Variants in JAKMIP3 observed in about 807,000 individuals in gnomAD.
JAKMIP3 encodes janus kinase and microtubule-interacting protein 3.
In JAKMIP3, 58 loss-of-function variants were observed where a neutral mutation model predicts 118.5. The ratio of observed to expected loss-of-function variants is 0.49; its 90% CI spans 0.40 to 0.61. The LOEUF (loss-of-function observed/expected upper bound fraction) is 0.61. Among genes scored for constraint, JAKMIP3 ranks in the 20% least tolerant of loss-of-function variants. The pLI, the probability that JAKMIP3 is intolerant of heterozygous loss-of-function variation, is 0.00. For missense variants in JAKMIP3, 950 were observed against 1,109.0 expected, an observed-to-expected ratio of 0.86 and a Z score of 2.04; for synonymous variants, 486 against 451.2, an observed-to-expected ratio of 1.08 and a Z score of -0.98.
intron 2 of JAKMIP3, among the ~76,000 whole-genome samples, chr10:132,109,065 T>TACAC (rs1197139440): frequency 2.5e-3 from 4 of 1,612 alleles, no homozygotes; most frequent in South Asian, 0.045. Context: ...CATGCACATA[T>TACAC]ACACACATAC....
intron 1 of JAKMIP3, among the ~76,000 whole-genome samples, chr10:132,093,486 A>G (rs1053003843): frequency 6.6e-6 from 1 of 152,270 alleles, no homozygotes; most frequent in Middle Eastern, 3.4e-3. Flanking sequence ...TAGATCTCAG[A>G]CTGCTGTGCT....
At chr10:132,137,392 G>A (rs1428138553) in intron 8 of JAKMIP3, 103 bp downstream of exon 8, 1 of 1,413,276 alleles carries the variant, frequency 7.1e-7, no homozygotes, top group African/African-American at 1.4e-5. Flanking sequence ...GACAGAAGCG[G>A]CCGCGGCAGC....
At chr10:132,083,419 T>C (rs1382314443) in intron 1 of JAKMIP3, among the ~76,000 whole-genome samples, 1 of 152,324 alleles carries the variant, frequency 6.6e-6, no homozygotes, top group South Asian at 2.1e-4. Flanking sequence ...CATTGTAGAT[T>C]CTTAATATTA....
upstream of JAKMIP3, among the ~76,000 whole-genome samples, chr10:132,063,300 T>A (rs937084754): frequency 6.6e-6 from 1 of 152,146 alleles, no homozygotes; most frequent in African/African-American, 2.4e-5. Flanking sequence ...GCCTGCTGTT[T>A]AAGCCTCTTT....
chr10:132,178,987 C>T (rs1189769471), intron 23 of JAKMIP3, among the ~76,000 whole-genome samples: 1 of 152,234 alleles, frequency 6.6e-6, no homozygotes, highest in Non-Finnish European at 1.5e-5. Flanking sequence ...TTCTGCCCTG[C>T]AGCTTTTAGC....
At chr10:132,079,552 T>A (rs2041444391) in intron 1 of JAKMIP3, among the ~76,000 whole-genome samples, 1 of 152,224 alleles carries the variant, frequency 6.6e-6, no homozygotes, top group South Asian at 2.1e-4. Flanking sequence ...TCAAGATTCG[T>A]ACATGGAACA....
chr10:132,177,949 G>A (rs908325599), intron 23 of JAKMIP3, among the ~76,000 whole-genome samples: 3 of 142,756 alleles, frequency 2.1e-5, no homozygotes, highest in Non-Finnish European at 4.6e-5. Flanking sequence ...TGTGCCCTGG[G>A]TAGTGTGCGT....
chr10:132,074,198 T>C (rs1040537546), intron 1 of JAKMIP3, among the ~76,000 whole-genome samples: 1 of 152,170 alleles, frequency 6.6e-6, no homozygotes, highest in South Asian at 2.1e-4. Flanking sequence ...ATTACAGGCA[T>C]GTGCCACCAT....
intron 3 of JAKMIP3, among the ~76,000 whole-genome samples, chr10:132,119,324 AG>A (rs1238190848): frequency 2.0e-5 from 3 of 152,204 alleles, no homozygotes; most frequent in Non-Finnish European, 4.4e-5. Flanking sequence ...TAAATTTCAA[AG>A]TAAAACAGTC....
intron 19 of JAKMIP3, among the ~76,000 whole-genome samples, chr10:132,161,542 TGG>T (rs67892222): frequency 3.1e-4 from 4 of 12,956 alleles, no homozygotes; most frequent in Admixed American, 1.3e-3. Flanking sequence ...TGTGTGATGC[TGG>T]GGGGGGTCTC....
At chr10:132,057,702 G>A (rs1431935992) in intron 1 of JAKMIP3, among the ~76,000 whole-genome samples, 1 of 152,202 alleles carries the variant, frequency 6.6e-6, no homozygotes, top group East Asian at 1.9e-4. Context: ...AGTACAGCAG[G>A]GGTGTCGACC....
intron 3 of JAKMIP3, among the ~76,000 whole-genome samples, chr10:132,124,583 G>A (rs2135500929): frequency 6.6e-6 from 1 of 151,686 alleles, no homozygotes; most frequent in South Asian, 2.1e-4. Context: ...ATGGTCACCT[G>A]TCCCACCCCG....
Position 132,180,642 on chromosome 10 carries a change from TGTGC to T in JAKMIP3, c.*1104-1711_*1104-1708del, listed in dbSNP as rs1554963041. Among the ~76,000 whole-genome samples, 214 of 31,776 alleles carry T rather than the reference TGTGC, an allele frequency of 6.7e-3. 17 individuals carry two copies. In the East Asian group the frequency reaches 0.076, roughly 11 times the overall value. The allele number at this position is 31,776 out of a possible 152,430, so 20.8% of individuals were successfully genotyped here. ...GTGTGTGTGCGTGTGTGCGTGCGTG[TGTGC>T]GTGTGCGTGTGCGTGTGTGCGTGTG... On this transcript the variant is annotated intron_variant, in intron 23 of 23. Transcript: ENST00000684848.
chr10:132,124,678 C>T (rs2049174429), intron 3 of JAKMIP3, among the ~76,000 whole-genome samples: 1 of 152,248 alleles, frequency 6.6e-6, no homozygotes, highest in Non-Finnish European at 1.5e-5. Flanking sequence ...GCATTTGAGT[C>T]ATGTCCCACA....
At chr10:132,052,185 C>T (rs2038122610) in intron 1 of JAKMIP3, among the ~76,000 whole-genome samples, 1 of 152,182 alleles carries the variant, frequency 6.6e-6, no homozygotes, top group South Asian at 2.1e-4. Flanking sequence ...GAGATTGTGC[C>T]ACTACACTCC....
At chr10:132,068,074 G>C (rs533145532) in intron 1 of JAKMIP3, among the ~76,000 whole-genome samples, 1 of 27,838 alleles carries the variant, frequency 3.6e-5, no homozygotes, top group Non-Finnish European at 7.9e-5. Flanking sequence ...CGTGTGGACT[G>C]TGGGTTTCTG....
At chr10:132,069,581 C>A (rs1337289302) in intron 1 of JAKMIP3, among the ~76,000 whole-genome samples, 1 of 152,040 alleles carries the variant, frequency 6.6e-6, no homozygotes, top group Non-Finnish European at 1.5e-5. Flanking sequence ...TGGCATCCCC[C>A]CCTGCGTGCA....
chr10:132,080,541 A>G (rs2041619236), intron 1 of JAKMIP3, among the ~76,000 whole-genome samples: 1 of 47,812 alleles, frequency 2.1e-5, no homozygotes, highest in African/African-American at 9.5e-5. Flanking sequence ...TTTTTTTTTA[A>G]GATGGAGTCT....
chr10:132,122,066 G>A (rs545410280), intron 3 of JAKMIP3, among the ~76,000 whole-genome samples: 8 of 152,326 alleles, frequency 5.3e-5, no homozygotes, highest in East Asian at 3.9e-4. Context: ...CAGCACCTAC[G>A]GTAGGTGTTC....
Sources: allele counts gnomAD v4.1 joint callset (sites outside exome capture counted in the v4.1 genomes callset), GRCh38; gene constraint gnomAD v4.1.1; transcripts MANE v1.5; gene names NCBI Gene and HGNC (gene_info 2026-07-23, HGNC 2026-07-21).